CHLSN: variants seen among roughly 807,000 people sequenced by gnomAD.
CHLSN encodes the protein cholesin.
chr7:988,845 C>T, the CHLSN span: 1 of 1,392,436 alleles, frequency 7.2e-7, no homozygotes, highest in Non-Finnish European at 9.7e-7. Flanking sequence ...CCCCCAGGTC[C>T]TCCTGACCAC....
the CHLSN span, among the ~76,000 whole-genome samples, chr7:1,073,377 G>A: frequency 3.6e-4 from 55 of 152,116 alleles, no homozygotes; most frequent in African/African-American, 1.2e-3. Flanking sequence ...GCTACTCCCC[G>A]CGCAGGCAGC....
the CHLSN span, among the ~76,000 whole-genome samples, chr7:1,014,908 C>T: frequency 1.2e-4 from 19 of 152,260 alleles, no homozygotes; most frequent in Non-Finnish European, 2.6e-4. Context: ...TGCCTGCGGG[C>T]CCTCCCTGCC....
the CHLSN span, among the ~76,000 whole-genome samples, chr7:1,018,831 G>A: frequency 1.3e-5 from 2 of 152,276 alleles, no homozygotes; most frequent in Non-Finnish European, 2.9e-5. Context: ...TACCTCGGGG[G>A]TGGGTGATAG....
At chr7:993,338 C>T in the CHLSN span, among the ~76,000 whole-genome samples, 1 of 152,152 alleles carries the variant, frequency 6.6e-6, no homozygotes, top group Non-Finnish European at 1.5e-5. Context: ...GGACGGACGG[C>T]AGGTGGCGCC....
chr7:986,681 C>A, the CHLSN span: 13 of 1,612,648 alleles, frequency 8.1e-6, no homozygotes, highest in Non-Finnish European at 1.1e-5. Context: ...GCCCGTCCTG[C>A]GCAAGATCGA....
the CHLSN span, among the ~76,000 whole-genome samples, chr7:1,053,248 C>T: frequency 6.6e-5 from 10 of 152,256 alleles, no homozygotes; most frequent in African/African-American, 1.9e-4. Flanking sequence ...AACCCCTCTG[C>T]GTCCAGGCAG....
the CHLSN span, chr7:1,027,171 A>G: frequency 2.0e-5 from 3 of 152,254 alleles, no homozygotes; most frequent in African/African-American, 7.2e-5. Context: ...TAAAACACTC[A>G]CATCTGGGAA....
At chr7:1,026,549 A>G in the CHLSN span, 1 of 152,260 alleles carries the variant, frequency 6.6e-6, no homozygotes, top group Admixed American at 6.5e-5. Context: ...GCAGCCGCTA[A>G]GCACAAGGAC....
At chr7:992,986 C>T in the CHLSN span, among the ~76,000 whole-genome samples, 1 of 152,192 alleles carries the variant, frequency 6.6e-6, no homozygotes, top group Non-Finnish European at 1.5e-5. Flanking sequence ...GTAGCTCCTG[C>T]TGCATAACAA....
chr7:1,123,833 G>A, the CHLSN span, among the ~76,000 whole-genome samples: 128 of 151,998 alleles, frequency 8.4e-4, no homozygotes, highest in African/African-American at 3.0e-3. The surrounding 1 kb of genome is among the most constrained non-coding windows in gnomAD (Gnocchi z 4.4). Context: ...CAGCTCCCTC[G>A]GAAGGAACGT....
the CHLSN span, among the ~76,000 whole-genome samples, chr7:1,133,624 G>A: frequency 6.6e-6 from 1 of 151,426 alleles, no homozygotes. Flanking sequence ...CGTGGTGGCA[G>A]GCGCCTGTAG....
At chr7:1,093,578 AT>A in the CHLSN span, 10 of 471,010 alleles carry the variant, frequency 2.1e-5, no homozygotes, top group Non-Finnish European at 4.4e-5. Context: ...GCTTGTTGAC[AT>A]CAACATGGCA....
chr7:1,051,828 A>G, the CHLSN span, among the ~76,000 whole-genome samples: 1 of 152,286 alleles, frequency 6.6e-6, no homozygotes, highest in East Asian at 1.9e-4. Context: ...AAATGAAAAC[A>G]TTAGCCAGCT....
the CHLSN span, among the ~76,000 whole-genome samples, chr7:1,027,971 A>AC: frequency 6.6e-6 from 1 of 151,902 alleles, no homozygotes; most frequent in African/African-American, 2.4e-5. Context: ...CAGGGCCTGG[A>AC]CCCCCACCCT....
the CHLSN span, among the ~76,000 whole-genome samples, chr7:1,034,529 G>A: frequency 6.6e-5 from 10 of 152,202 alleles, no homozygotes; most frequent in Non-Finnish European, 1.5e-4. Context: ...TCGGACAGCT[G>A]TGGTGCAGCA....
At chr7:1,072,779 G>A in the CHLSN span, among the ~76,000 whole-genome samples, 1 of 151,528 alleles carries the variant, frequency 6.6e-6, no homozygotes, top group East Asian at 1.9e-4. Context: ...CGCCCCCTGG[G>A]TGCAGGTGAT....
the CHLSN span, among the ~76,000 whole-genome samples, chr7:1,103,903 G>GA: frequency 6.6e-6 from 1 of 152,242 alleles, no homozygotes; most frequent in Non-Finnish European, 1.5e-5. Flanking sequence ...GGGCAGGGGA[G>GA]AGCTGGAAGG....
the CHLSN span, among the ~76,000 whole-genome samples, chr7:1,072,034 C>T: frequency 4.6e-5 from 7 of 152,144 alleles, no homozygotes; most frequent in Non-Finnish European, 8.8e-5. Context: ...AGGGGAAGAG[C>T]GGGGAGGGGC....
the CHLSN span, among the ~76,000 whole-genome samples, chr7:1,133,896 A>G: frequency 0.61 from 92,121 of 151,898 alleles, 29,652 homozygotes; most frequent in African/African-American, 0.83. Flanking sequence ...AGCCTCGACC[A>G]CCCAGGCTCA....
Sources: gnomAD v4.1 joint callset for allele counts (sites outside exome capture counted in the v4.1 genomes callset) on GRCh38, gnomAD v4.1.1 for gene constraint, Gnocchi (gnomAD v3.1) non-coding constraint, MANE v1.5 for transcripts, NCBI Gene and HGNC (gene_info 2026-07-23, HGNC 2026-07-21) for gene names.